Variants in HMCN2 observed in about 807,000 individuals in gnomAD.
The protein encoded by HMCN2 is hemicentin 2.
Under a neutral mutation model 377.5 loss-of-function variants are expected in HMCN2, and 325 were observed. That is an observed-to-expected ratio of 0.86 (90% CI 0.79 to 0.94). The LOEUF (loss-of-function observed/expected upper bound fraction) is 0.94. Among genes scored for constraint, HMCN2 ranks in the 40% least tolerant of loss-of-function variants. The probability of loss-of-function intolerance (pLI) is 0.00; values close to 1 mark genes in which losing one functional copy is unlikely to be tolerated. For synonymous variants in HMCN2, 2,007 were observed against 2,046.8 expected, an observed-to-expected ratio of 0.98 and a Z score of 0.53; for missense variants, 4,543 against 4,725.3, an observed-to-expected ratio of 0.96 and a Z score of 1.13.
intron 15 of HMCN2, among the ~76,000 whole-genome samples, chr9:130,313,471 C>T (rs1359399823): frequency 2.6e-5 from 4 of 152,232 alleles, no homozygotes; most frequent in Admixed American, 1.3e-4. Flanking sequence ...ATTTGCCTCT[C>T]GGAGCCTCAC....
At chr9:130,309,190 CA>C (rs1432214813) in intron 14 of HMCN2, among the ~76,000 whole-genome samples, 4 of 152,238 alleles carry the variant, frequency 2.6e-5, no homozygotes, top group African/African-American at 9.6e-5. Flanking sequence ...CATCAGGCCT[CA>C]GGGGCGGAGA....
At position 130,393,818 on chromosome 9, in the gene HMCN2, C is replaced by G. The variant is rs748144360; in HGVS notation, c.10311C>G (p.Cys3437Trp). The G allele has an allele frequency of 7.8e-7, 1 of 1,287,928 alleles. No individual in the cohort carries two copies. The highest frequency in any genetic ancestry group is 2.3e-5 in the Admixed American group (1 of 43,232). 79.8% of individuals were successfully genotyped at this position (1,287,928 alleles called of 1,614,324 possible). A position where few individuals can be genotyped will look rare whatever the true frequency, so the allele number is the denominator to read the frequency against. ...VVRGSLVELP[C>W]EARGVPLPLV... ...GTGGCTCCCTGGTGGAACTCCCGTG[C>G]GAGGCCCGGGGCGTTCCCCTGCCTC... Residue 3437 changes from cysteine to tryptophan, a missense_variant, in exon 68 of 98, where the codon TGC (cysteine) becomes TGG (tryptophan). Physicochemically the swap from Cys to Trp is radical, Grantham distance 215. Coordinates refer to ENST00000683500, the MANE Select transcript of HMCN2 (RefSeq NM_001291815.2). The surrounding 1 kb of genome is among the most constrained non-coding windows in gnomAD (Gnocchi z 5.2).
In HMCN2 at chr9:130,393,734, C is replaced by A; in HGVS notation, c.10235-8C>A. On this transcript the variant is annotated splice_polypyrimidine_tract_variant and splice_region_variant and intron_variant, in intron 67 of 97. Coordinates refer to ENST00000683500, the MANE Select transcript of HMCN2 (RefSeq NM_001291815.2). The surrounding 1 kb of genome is among the most constrained non-coding windows in gnomAD (Gnocchi z 5.2). The stretch of plus-strand genomic sequence containing the variant: ...AATGGTTCCTGCCCACCTTTCTGCC[C>A]TCCATAGTGCCCCCTGTCCTGGAGC... 7 of 1,232,842 alleles carry A rather than the reference C, an allele frequency of 5.7e-6. No individual in the cohort carries two copies. The highest frequency in any genetic ancestry group is 7.3e-6 in the Non-Finnish European group (7 of 961,982). 76.4% of individuals were successfully genotyped at this position (1,232,842 alleles called of 1,614,324 possible).
rs377350845 is a variant in HMCN2 at position 130,279,595 on chromosome 9, C to T, written c.260-5008C>T. Among the ~76,000 whole-genome samples the T allele has an allele frequency of 6.5e-4, 99 of 152,312 alleles. 2 individuals carry two copies. In the South Asian group the frequency reaches 0.019, roughly 29 times the overall value. On this transcript the variant is annotated intron_variant, in intron 1 of 97. Coordinates refer to ENST00000683500, the MANE Select transcript of HMCN2 (RefSeq NM_001291815.2). ...CTCAAACTCCTGACCTCAATTCATC[C>T]GCCTGCCTGGGCCTCCCAGAGTGCT...
rs1395017090 is a variant in HMCN2 at position 130,352,928 on chromosome 9, G to A, written c.4587G>A (p.Ala1529=). Residue 1529 remains alanine, a splice_region_variant and synonymous_variant, in exon 31 of 98, where the codon GCG becomes GCA. Coordinates refer to ENST00000683500, the MANE Select transcript of HMCN2 (RefSeq NM_001291815.2). ...QARDFQLRVH[A]PPTIWGSNET... Reference sequence around the variant, plus strand: ...CAGCCCCACCTCTTTCCTTCTCAGCGCCCCCCACTATCTGGGGCTCCAACG... The same window carrying A: ...CAGCCCCACCTCTTTCCTTCTCAGCACCCCCCACTATCTGGGGCTCCAACG... 9.4e-6 allele frequency: 12 copies of A among 1,271,942 alleles called. No homozygotes were observed. The African/African-American group carries it at 1.4e-4, about 15-fold the overall frequency. 78.8% of individuals were successfully genotyped at this position (1,271,942 alleles called of 1,614,324 possible). A position where few individuals can be genotyped will look rare whatever the true frequency, so the allele number is the denominator to read the frequency against.
chr9:130,417,093 AG>A (rs1289037820), intron 85 of HMCN2, among the ~76,000 whole-genome samples: 2 of 150,214 alleles, frequency 1.3e-5, no homozygotes, highest in African/African-American at 2.4e-5. Flanking sequence ...TGTATTTTTT[AG>A]TAGAAATAGG....
rs1005786614 is a variant in HMCN2, at chr9:130,308,774, G to A, written c.2201-1138G>A. On this transcript the variant is annotated intron_variant, in intron 14 of 97. Coordinates refer to ENST00000683500, the MANE Select transcript of HMCN2 (RefSeq NM_001291815.2). This position sits in a 1 kb window ranked among gnomAD's most constrained non-coding sequence, Gnocchi z 4.1. The stretch of plus-strand genomic sequence containing the variant: ...ATTCTTCCATCTTCAGAAGGAAGGA[G>A]ATTCTGACACGTGCTACATGGATGT... Among the ~76,000 whole-genome samples, 5 of 152,226 alleles carry A rather than the reference G, an allele frequency of 3.3e-5. No individual in the cohort carries two copies. Among genetic ancestry groups the A allele is most frequent in the African/African-American group, 1.2e-4 (5 of 41,452 alleles).
At chr9:130,417,513 C>T (rs1308825326) in intron 85 of HMCN2, among the ~76,000 whole-genome samples, 3 of 116,380 alleles carry the variant, frequency 2.6e-5, no homozygotes, top group Admixed American at 2.2e-4. Context: ...CAGAGTGAGA[C>T]TCCGTCTCAA....
At chr9:130,314,133 T>C (rs982364614) in intron 15 of HMCN2, among the ~76,000 whole-genome samples, 21 of 152,144 alleles carry the variant, frequency 1.4e-4, no homozygotes, top group Non-Finnish European at 2.2e-4. Flanking sequence ...TGCTTCTTAG[T>C]CCCATCCTGG....
chr9:130,317,104 C>G (rs1837600042), intron 15 of HMCN2, among the ~76,000 whole-genome samples: 1 of 150,644 alleles, frequency 6.6e-6, no homozygotes, highest in South Asian at 2.1e-4. Flanking sequence ...GAGTGCAGCT[C>G]TGGCTGGGGC....
At position 130,374,657 on chromosome 9, in the gene HMCN2, G is replaced by A. The variant is rs1013587252; in HGVS notation, c.7594G>A (p.Gly2532Arg). ...CTCCTGCATTGCAGCCAACGCTGTT[G>A]GGGAGAAGACCAAACACTTCCAGCT... is the stretch of plus-strand genomic sequence containing the variant. The part of the protein sequence containing the change: ...HYSCIAANAV[G>R]EKTKHFQLSV... The change falls in exon 49 of 98, where the codon GGG (glycine) becomes AGG (arginine). Residue 2532 changes from glycine (G) to arginine (R), a missense_variant. Around this residue, in one of 5 missense-constraint regions of HMCN2, gnomAD observed 736 missense variants for 773.2 expected, o/e 0.95. Coordinates refer to ENST00000683500, the MANE Select transcript of HMCN2 (RefSeq NM_001291815.2). 1.4e-4 allele frequency: 139 copies of A among 985,658 alleles called. 1 individual carries two copies. The highest frequency in any genetic ancestry group is 1.6e-4 in the Non-Finnish European group (134 of 829,932). 61.1% of individuals were successfully genotyped at this position (985,658 alleles called of 1,614,324 possible). A position where few individuals can be genotyped will look rare whatever the true frequency, so the allele number is the denominator to read the frequency against.
rs903843075 is a variant in HMCN2, at chr9:130,285,239, G to T, written c.412G>T (p.Val138Phe). Residue 138 changes from valine to phenylalanine, a missense_variant, in exon 3 of 98, where the codon GTC becomes TTC. Physicochemically the swap from Val to Phe is conservative, Grantham distance 50. Coordinates refer to ENST00000683500, the MANE Select transcript of HMCN2 (RefSeq NM_001291815.2). ...EVANPGSFIY[V>F]FSDARAKDYH... ...TGCCAACCCCGGATCCTTCATCTAC[G>T]TCTTTTCGGATGCCCGCGCCAAAGA... is the stretch of plus-strand genomic sequence containing the variant. 4.2e-6 allele frequency: 2 copies of T among 471,156 alleles called. No individual in the cohort carries two copies. The allele number at this position is 471,156 out of a possible 1,614,324, so 29.2% of individuals were successfully genotyped here. A position where few individuals can be genotyped will look rare whatever the true frequency, so the allele number is the denominator to read the frequency against.
chr9:130,367,963 A>G (rs1432574666), intron 43 of HMCN2, among the ~76,000 whole-genome samples: 5 of 145,772 alleles, frequency 3.4e-5, no homozygotes, highest in Non-Finnish European at 3.0e-5. Flanking sequence ...AAAAAAAAAA[A>G]GGGATCCCAG....
intron 59 of HMCN2, 148 bp downstream of exon 59, chr9:130,384,946 G>A: frequency 2.3e-6 from 1 of 426,998 alleles, no homozygotes; most frequent in Non-Finnish European, 4.2e-6. Context: ...TGAGGAGGGG[G>A]AGCAGTGGGA....
intron 86 of HMCN2, among the ~76,000 whole-genome samples, chr9:130,420,364 G>A (rs1204700978): frequency 4.6e-5 from 7 of 151,794 alleles, no homozygotes; most frequent in African/African-American, 9.7e-5. Context: ...GTGAGCCACC[G>A]CGCCCGGCCC....
intron 23 of HMCN2, among the ~76,000 whole-genome samples, chr9:130,340,325 A>G (rs36186120): frequency 0.39 from 58,787 of 152,184 alleles, 11,865 homozygotes; most frequent in East Asian, 0.55. Context: ...TTCATCCCGC[A>G]GGGCGGGAGG....
At chr9:130,431,119 G>A in intron 95 of HMCN2, 1 of 570,758 alleles carries the variant, frequency 1.8e-6, no homozygotes, top group Non-Finnish European at 3.1e-6. Context: ...GGAGGGGTCT[G>A]CGGGGTGGTG....
chr9:130,333,349 G>T (rs1458295614), intron 22 of HMCN2, among the ~76,000 whole-genome samples: 1 of 152,208 alleles, frequency 6.6e-6, no homozygotes, highest in Non-Finnish European at 1.5e-5. Flanking sequence ...GGATGAGGCA[G>T]ACAGGTGAGG....
rs533997512 is a variant in HMCN2 at position 130,394,381 on chromosome 9, G to T, written c.10502-4G>T. 3.1e-6 allele frequency: 4 copies of T among 1,288,544 alleles called. No homozygotes were observed. In the African/African-American group the frequency reaches 6.1e-5, roughly 20 times the overall value. 79.8% of individuals were successfully genotyped at this position (1,288,544 alleles called of 1,614,324 possible). ...TGTGTGTTCCCCTCCATGGTGGCTT[G>T]CAGAGCCCCCTCACATTGAGGACTC... is the stretch of plus-strand genomic sequence containing the variant. On this transcript the variant is annotated splice_region_variant and splice_polypyrimidine_tract_variant and intron_variant, in intron 68 of 97. Coordinates refer to ENST00000683500, the MANE Select transcript of HMCN2 (RefSeq NM_001291815.2). The surrounding 1 kb of genome is among the most constrained non-coding windows in gnomAD (Gnocchi z 5.1).
Sources: allele counts gnomAD v4.1 joint callset (sites outside exome capture counted in the v4.1 genomes callset), GRCh38; gene constraint gnomAD v4.1.1; regional missense constraint gnomAD v4.1.1; non-coding constraint Gnocchi (gnomAD v3.1); transcripts MANE v1.5; gene names NCBI Gene and HGNC (gene_info 2026-07-23, HGNC 2026-07-21).